NEGR1: variants seen among roughly 807,000 people sequenced by gnomAD.
The protein encoded by NEGR1 is IgLON family member 4.
A neutral mutation model predicts 40.9 loss-of-function variants in NEGR1; 10 were observed. The ratio of observed to expected loss-of-function variants is 0.24; its 90% CI spans 0.15 to 0.42. The LOEUF is 0.42. Among genes scored for constraint, NEGR1 ranks in the 10% least tolerant of loss-of-function variants. The pLI, the probability that NEGR1 is intolerant of heterozygous loss-of-function variation, is 1.00. For missense variants in NEGR1, 352 were observed against 438.9 expected (o/e 0.80, Z 1.77); for synonymous variants, 185 against 166.8 (o/e 1.11, Z -0.84).
At chr1:71,986,885 G>T (rs1007145992) in intron 1 of NEGR1, among the ~76,000 whole-genome samples, 2 of 152,152 alleles carry the variant, frequency 1.3e-5, no homozygotes, top group African/African-American at 4.8e-5. Flanking sequence ...AGGCAAAAAG[G>T]AAATGACAAT....
chr1:71,501,704 G>A (rs990348798), intron 6 of NEGR1, among the ~76,000 whole-genome samples: 2 of 152,084 alleles, frequency 1.3e-5, no homozygotes, highest in Non-Finnish European at 2.9e-5. Flanking sequence ...CAATGTGAGA[G>A]TGAAAAAATA....
intron 1 of NEGR1, among the ~76,000 whole-genome samples, chr1:72,116,850 T>C (rs924488406): frequency 6.6e-6 from 1 of 151,748 alleles, no homozygotes; most frequent in Admixed American, 6.6e-5. Flanking sequence ...AATATTCACA[T>C]CTATATGAAT....
At chr1:72,163,729 A>AATAGATAG (rs756796363) in intron 1 of NEGR1, among the ~76,000 whole-genome samples, 1,262 of 60,334 alleles carry the variant, frequency 0.021, 12 homozygotes, top group Non-Finnish European at 0.031. Context: ...ACAGATATCT[A>AATAGATAG]ATAGATAGAT....
At chr1:72,111,083 TATACACACAC>T (rs1158463216) in intron 1 of NEGR1, among the ~76,000 whole-genome samples, 4 of 90,364 alleles carry the variant, frequency 4.4e-5, no homozygotes, top group East Asian at 3.0e-4. Context: ...CATATATATA[TATACACACAC>T]ACACACACAC....
At chr1:71,939,422 T>C (rs762143090) in intron 1 of NEGR1, among the ~76,000 whole-genome samples, 5 of 152,112 alleles carry the variant, frequency 3.3e-5, no homozygotes, top group Non-Finnish European at 7.4e-5. Flanking sequence ...AAGCGTGTGT[T>C]GAGTGGATAA....
intron 1 of NEGR1, among the ~76,000 whole-genome samples, chr1:71,986,303 C>A (rs1646393323): frequency 6.6e-6 from 1 of 152,164 alleles, no homozygotes. Context: ...ATGTTCCACA[C>A]AATAGTGCAT....
Position 71,881,799 on chromosome 1 carries a change from A to G in NEGR1, c.409+53280T>C, listed in dbSNP as rs575554489. 5.3e-5 allele frequency among the ~76,000 whole-genome samples: 8 copies of G among 152,178 alleles called. No individual in the cohort carries two copies. In the East Asian group the frequency reaches 1.2e-3, roughly 22 times the overall value. ...TTTAGGCATAATATATTCTTTCTGA[A>G]TGTCTTTCCTCTTTAACCAACTGCT... On this transcript the variant is annotated intron_variant, in intron 2 of 6. Transcript: ENST00000357731.
intron 5 of NEGR1, among the ~76,000 whole-genome samples, chr1:71,606,973 G>A (rs1199519346): frequency 6.6e-6 from 1 of 152,050 alleles, no homozygotes; most frequent in Non-Finnish European, 1.5e-5. Flanking sequence ...ATGAAGAGCT[G>A]GCTTTGAAGA....
chr1:72,061,840 C>T (rs1647180193), intron 1 of NEGR1, among the ~76,000 whole-genome samples: 1 of 151,724 alleles, frequency 6.6e-6, no homozygotes, highest in African/African-American at 2.4e-5. Flanking sequence ...TCCATTATGC[C>T]ACTGGATTGT....
At chr1:71,903,131 TA>T (rs1226331662) in intron 2 of NEGR1, among the ~76,000 whole-genome samples, 2 of 152,002 alleles carry the variant, frequency 1.3e-5, no homozygotes, top group Non-Finnish European at 2.9e-5. Context: ...CCAGAGATCC[TA>T]ATTAAAATCA....
intron 2 of NEGR1, among the ~76,000 whole-genome samples, chr1:71,908,326 T>C (rs1661333847): frequency 6.6e-6 from 1 of 152,110 alleles, no homozygotes; most frequent in South Asian, 2.1e-4. Context: ...TGCAAACATT[T>C]CCAAAAGTTT....
chr1:71,673,310 AACC>A (rs977639558), intron 4 of NEGR1, among the ~76,000 whole-genome samples: 11 of 152,182 alleles, frequency 7.2e-5, no homozygotes, highest in African/African-American at 2.7e-4. Context: ...TAAACAAGTT[AACC>A]AGGCATTGAA....
intron 6 of NEGR1, among the ~76,000 whole-genome samples, chr1:71,563,402 C>T (rs76517366): frequency 0.036 from 5,491 of 151,994 alleles, 134 homozygotes; most frequent in Non-Finnish European, 0.054. Context: ...TCAGAGAAAG[C>T]CCACAGAGCA....
intron 5 of NEGR1, among the ~76,000 whole-genome samples, chr1:71,609,724 C>T (rs1323424833): frequency 6.6e-6 from 1 of 151,682 alleles, no homozygotes; most frequent in African/African-American, 2.4e-5. Flanking sequence ...ATAATTTCAC[C>T]AGTTTTCTGT....
intron 6 of NEGR1, among the ~76,000 whole-genome samples, chr1:71,414,496 G>A (rs1299048899): frequency 6.6e-6 from 1 of 152,168 alleles, no homozygotes; most frequent in Non-Finnish European, 1.5e-5. Flanking sequence ...GTATCTGGAA[G>A]AATCAAGCAG....
intron 1 of NEGR1, among the ~76,000 whole-genome samples, chr1:72,132,593 C>T (rs1216960240): frequency 6.6e-6 from 1 of 152,110 alleles, no homozygotes; most frequent in Non-Finnish European, 1.5e-5. Context: ...TATGATACTG[C>T]TATTTGTGCA....
At chr1:71,823,203 ATTT>A (rs35710660) in intron 2 of NEGR1, among the ~76,000 whole-genome samples, 4 of 140,604 alleles carry the variant, frequency 2.8e-5, no homozygotes, top group Admixed American at 7.1e-5. Flanking sequence ...TTTCTGCATC[ATTT>A]TTTTTTTTTT....
At chr1:71,972,388 G>A (rs1041813600) in intron 1 of NEGR1, among the ~76,000 whole-genome samples, 4 of 152,076 alleles carry the variant, frequency 2.6e-5, no homozygotes, top group Non-Finnish European at 5.9e-5. Context: ...AAAAATTAAT[G>A]AAAAGTAGAA....
intron 6 of NEGR1, among the ~76,000 whole-genome samples, chr1:71,565,881 C>T (rs757541726): frequency 2.0e-5 from 3 of 152,060 alleles, no homozygotes; most frequent in Non-Finnish European, 4.4e-5. Context: ...ATTTGCTAGT[C>T]TCTTCTTGCT....
Sources: allele counts gnomAD v4.1 joint callset (sites outside exome capture counted in the v4.1 genomes callset), GRCh38; gene constraint gnomAD v4.1.1; transcripts MANE v1.5; gene names NCBI Gene and HGNC (gene_info 2026-07-23, HGNC 2026-07-21).